GON4L: variants seen among roughly 807,000 people sequenced by gnomAD.
The protein encoded by GON4L is GON-4-like protein.
GON4L carries 87 observed loss-of-function variants against 211.8 expected under a neutral mutation model. The observed-to-expected ratio is 0.41, with a 90% confidence interval of 0.35 to 0.49. The LOEUF is 0.49. Among genes scored for constraint, GON4L ranks in the 20% least tolerant of loss-of-function variants. GON4L has a pLI of 0.15. For missense variants in GON4L, 2,155 were observed against 2,659.5 expected, an observed-to-expected ratio of 0.81 and a Z score of 4.17; for synonymous variants, 875 against 962.6, an observed-to-expected ratio of 0.91 and a Z score of 1.68.
At position 155,838,605 on chromosome 1, in the gene GON4L, T is replaced by C. The variant is rs1361733514; in HGVS notation, c.506-11577A>G. On this transcript the variant is annotated intron_variant, in intron 2 of 31. Transcript: ENST00000368331. ...GCCTGGCCAACATGGCAAAACCCCA[T>C]GGCTACTAAAAATACAAAAATTAGC... 5.3e-5 allele frequency among the ~76,000 whole-genome samples: 8 copies of C among 152,114 alleles called. No homozygotes were observed. In the South Asian group the frequency reaches 1.7e-3, roughly 32 times the overall value.
In GON4L at chr1:155,753,287, T is replaced by C; in HGVS notation, c.5759A>G (p.Glu1920Gly). The change falls in exon 29 of 32, where the codon GAA becomes GGA. Residue 1920 changes from glutamate to glycine, a missense_variant. This residue lies in a region of GON4L where 455 missense variants were observed against 504.6 expected (regional missense o/e 0.90). Coordinates refer to ENST00000368331, the MANE Select transcript of GON4L (RefSeq NM_001282860.2). ...AGTGCTCTCCCGCTCCTCTGGGGCT[T>C]CCTCTTCCATCATATCCTTGCCCTG... ...AGQGKDMMEE[E>G]APEERESTEA... 1 of 1,613,640 alleles carries C rather than the reference T, an allele frequency of 6.2e-7. No individual in the cohort carries two copies. Among genetic ancestry groups the C allele is most frequent in the Non-Finnish European group, 8.5e-7 (1 of 1,179,802 alleles).
At position 155,763,977 on chromosome 1, in the gene GON4L, C is replaced by T. The variant is rs572169116; in HGVS notation, c.4474-413G>A. Among the ~76,000 whole-genome samples the T allele has an allele frequency of 5.4e-5, 8 of 148,754 alleles. No homozygotes were observed. The Middle Eastern group carries it at 0.014, about 255-fold the overall frequency. On this transcript the variant is annotated intron_variant, in intron 21 of 31. Coordinates refer to ENST00000368331, the MANE Select transcript of GON4L (RefSeq NM_001282860.2). ...GAAATTATGCCACTGCACTCCAATCCGGGAGACAGAGTAAGACTCCATCTC... is the reference window on the plus strand; with the variant it reads ...GAAATTATGCCACTGCACTCCAATCTGGGAGACAGAGTAAGACTCCATCTC...
At chr1:155,842,437 T>C (rs1387618553) in intron 2 of GON4L, among the ~76,000 whole-genome samples, 2 of 143,054 alleles carry the variant, frequency 1.4e-5, no homozygotes, top group African/African-American at 5.3e-5. Context: ...GGCAGGAGAA[T>C]GGTGTGAACC....
chr1:155,813,598 T>C, intron 10 of GON4L, 36 bp downstream of exon 10: 1 of 1,515,074 alleles, frequency 6.6e-7, no homozygotes, highest in Non-Finnish European at 9.2e-7. Flanking sequence ...ATTACTCCAC[T>C]TGACTTTCTC....
chr1:155,797,186 C>G (rs1452854035), intron 11 of GON4L, among the ~76,000 whole-genome samples: 3 of 152,004 alleles, frequency 2.0e-5, no homozygotes, highest in Non-Finnish European at 4.4e-5. Flanking sequence ...TCGATCTCAG[C>G]TCACTGCAAC....
At chr1:155,781,580 A>G (rs79162521) in intron 14 of GON4L, among the ~76,000 whole-genome samples, 4 of 152,026 alleles carry the variant, frequency 2.6e-5, no homozygotes, top group East Asian at 3.9e-4. Flanking sequence ...CTCCTGCCTC[A>G]GCCTCCTGAG....
Position 155,813,698 on chromosome 1 carries a change from A to G in GON4L, c.1388T>C (p.Met463Thr). ...KPKQTRDSTF[M>T]EKLHAVDEEL... ...CTCATCTACCGCATGTAACTTCTCC[A>G]TGAAAGTACTATCTCTGGTCTGTTT... Residue 463 changes from methionine to threonine, a missense_variant, in exon 10 of 32, where the codon ATG becomes ACG. Coordinates refer to ENST00000368331, the MANE Select transcript of GON4L (RefSeq NM_001282860.2). The G allele has an allele frequency of 1.2e-6, 2 of 1,613,834 alleles. No individual in the cohort carries two copies. Among genetic ancestry groups the G allele is most frequent in the Non-Finnish European group, 8.5e-7 (1 of 1,179,732 alleles).
At chr1:155,794,953 T>C (rs1044878660) in intron 12 of GON4L, 97 bp downstream of exon 12, 8 of 770,756 alleles carry the variant, frequency 1.0e-5, no homozygotes, top group African/African-American at 5.1e-5. Context: ...TGTCTTAACA[T>C]GGATGAGCTG....
chr1:155,752,861 A>C (rs1660753301), intron 29 of GON4L, among the ~76,000 whole-genome samples: 1 of 152,084 alleles, frequency 6.6e-6, no homozygotes, highest in African/African-American at 2.4e-5. Flanking sequence ...GCATAATGTC[A>C]CTTATGCAAA....
At chr1:155,842,772 G>A (rs1670894963) in intron 2 of GON4L, among the ~76,000 whole-genome samples, 4 of 151,954 alleles carry the variant, frequency 2.6e-5, no homozygotes, top group Admixed American at 2.6e-4. Flanking sequence ...GGGAGGCGGA[G>A]GTTGCAGTGA....
chr1:155,852,157 T>C (rs1237135918), intron 2 of GON4L, among the ~76,000 whole-genome samples: 2 of 65,176 alleles, frequency 3.1e-5, no homozygotes, highest in Non-Finnish European at 6.0e-5. Flanking sequence ...AGAGCGAGAC[T>C]GTCACAAAAA....
At position 155,791,893 on chromosome 1, in the gene GON4L, A is replaced by C. The variant is rs1665614739; in HGVS notation, c.1747+3157T>G. On this transcript the variant is annotated intron_variant, in intron 12 of 31. Coordinates refer to ENST00000368331, the MANE Select transcript of GON4L (RefSeq NM_001282860.2). ...CAAAAATAACATAACATAACATAAC[A>C]TAACATAACATAACATAACATAACA... Among the ~76,000 whole-genome samples, 2 of 108,054 alleles carry C rather than the reference A, an allele frequency of 1.9e-5. 1 individual carries two copies. The highest frequency in any genetic ancestry group is 3.9e-5 in the Non-Finnish European group (2 of 51,938). 70.9% of individuals were successfully genotyped at this position (108,054 alleles called of 152,430 possible).
chr1:155,765,166 C>A lies in GON4L; in HGVS notation c.4307G>T (p.Ser1436Ile). Residue 1436 changes from serine to isoleucine, a missense_variant, in exon 21 of 32, where the codon AGT becomes ATT. By Grantham distance (142) the Ser-to-Ile change is moderately radical. Coordinates refer to ENST00000368331, the MANE Select transcript of GON4L (RefSeq NM_001282860.2). ...SPPGKPEDSS[S>I]VDGQSVGTPV... The stretch of plus-strand genomic sequence containing the variant: ...AGTCCCCACTGACTGACCATCAACA[C>A]TGGATGAATCTTCTGGCTTCCCTGG... 1 of 1,614,230 alleles carries A rather than the reference C, an allele frequency of 6.2e-7. No homozygotes were observed. The highest frequency in any genetic ancestry group is 8.5e-7 in the Non-Finnish European group (1 of 1,180,046).
chr1:155,828,241 C>T (rs1343110511), intron 2 of GON4L, among the ~76,000 whole-genome samples: 1 of 151,988 alleles, frequency 6.6e-6, no homozygotes, highest in Non-Finnish European at 1.5e-5. Context: ...GTAATCTCAG[C>T]ACTATGGAAG....
In GON4L at chr1:155,762,175, G is replaced by A; in HGVS notation, c.4911+15C>T. 5 of 1,587,398 alleles carry A rather than the reference G, an allele frequency of 3.1e-6. No individual in the cohort carries two copies. The highest frequency in any genetic ancestry group is 2.7e-5 in the African/African-American group (2 of 74,640). ...TCATAGAGACTGGCAATAACAGGAA[G>A]CAGCATTTGCCTACCCTGGTCAGAT... On this transcript the variant is annotated intron_variant, in intron 23 of 31. Coordinates refer to ENST00000368331, the MANE Select transcript of GON4L (RefSeq NM_001282860.2).
intron 13 of GON4L, chr1:155,785,076 G>T: frequency 1.9e-6 from 1 of 518,664 alleles, no homozygotes. Flanking sequence ...CTCTGGCTTG[G>T]GTGATGGAGC....
intron 11 of GON4L, among the ~76,000 whole-genome samples, chr1:155,797,674 C>T (rs1301851005): frequency 6.7e-6 from 1 of 149,512 alleles, no homozygotes; most frequent in East Asian, 2.0e-4. Context: ...TGAGACCCCC[C>T]CCCTCCCGTC....
intron 24 of GON4L, among the ~76,000 whole-genome samples, chr1:155,758,697 G>A (rs1196619774): frequency 6.6e-6 from 1 of 152,122 alleles, no homozygotes; most frequent in African/African-American, 2.4e-5. Flanking sequence ...TGACCAACAT[G>A]GTGAAACCCC....
chr1:155,792,897 C>T (rs971742862), intron 12 of GON4L, among the ~76,000 whole-genome samples: 1 of 152,066 alleles, frequency 6.6e-6, no homozygotes, highest in African/African-American at 2.4e-5. Context: ...GCTGGGACTA[C>T]GGGCATGCAC....
Sources: gnomAD v4.1 joint callset for allele counts (sites outside exome capture counted in the v4.1 genomes callset) on GRCh38, gnomAD v4.1.1 for gene constraint, gnomAD v4.1.1 regional missense constraint, MANE v1.5 for transcripts, NCBI Gene and HGNC (gene_info 2026-07-23, HGNC 2026-07-21) for gene names.